DTNB: variants seen among roughly 807,000 people sequenced by gnomAD.
The protein encoded by DTNB is DTN-B.
DTNB carries 63 observed loss-of-function variants against 90.7 expected under a neutral mutation model. That is an observed-to-expected ratio of 0.69 (90% CI 0.57 to 0.86). The LOEUF (loss-of-function observed/expected upper bound fraction) is 0.86. Among genes scored for constraint, DTNB ranks in the 40% least tolerant of loss-of-function variants. The probability of loss-of-function intolerance (pLI) is 0.00; values close to 1 mark genes in which losing one functional copy is unlikely to be tolerated. For synonymous variants in DTNB, 277 were observed against 286.7 expected (o/e 0.97, Z 0.34); for missense variants, 744 against 807.1 (o/e 0.92, Z 0.95).
chr2:25,654,455 G>T (rs887643417), intron 1 of DTNB, among the ~76,000 whole-genome samples: 11 of 152,136 alleles, frequency 7.2e-5, no homozygotes, highest in Admixed American at 5.2e-4. Flanking sequence ...GAATCATCCA[G>T]TCCAAAACAG....
At chr2:25,450,504 T>G (rs1474297817) in intron 12 of DTNB, among the ~76,000 whole-genome samples, 1 of 152,224 alleles carries the variant, frequency 6.6e-6, no homozygotes, top group African/African-American at 2.4e-5. Context: ...TTTGTTTTTC[T>G]TTTTCAAGAC....
chr2:25,611,690 A>G (rs954704083), intron 4 of DTNB, among the ~76,000 whole-genome samples: 1 of 152,186 alleles, frequency 6.6e-6, no homozygotes, highest in African/African-American at 2.4e-5. Flanking sequence ...TAAAGTGATT[A>G]TATCTGGGAA....
intron 9 of DTNB, among the ~76,000 whole-genome samples, chr2:25,484,036 T>C (rs995933481): frequency 2.0e-5 from 3 of 152,320 alleles, no homozygotes; most frequent in African/African-American, 7.2e-5. Context: ...TACTTACACA[T>C]ACTTGGATGG....
intron 2 of DTNB, among the ~76,000 whole-genome samples, chr2:25,639,555 C>G (rs115133308): frequency 6.6e-6 from 1 of 150,508 alleles, no homozygotes; most frequent in Non-Finnish European, 1.5e-5. Context: ...GGGAACGGAC[C>G]GGTTGCCTGA....
chr2:25,450,634 A>C lies in DTNB; in HGVS notation c.1257+914T>G, dbSNP rs533143175. On this transcript the variant is annotated intron_variant, in intron 12 of 20. Coordinates refer to ENST00000406818, the MANE Select transcript of DTNB (RefSeq NM_021907.5). ...ATTAAATCTATAGATCAATTTAGGAAAATCTGCCATCCTAACAATATTAAA... is the reference window on the plus strand; with the variant it reads ...ATTAAATCTATAGATCAATTTAGGACAATCTGCCATCCTAACAATATTAAA... Among the ~76,000 whole-genome samples the C allele has an allele frequency of 5.3e-5, 8 of 152,340 alleles. No homozygotes were observed. In the South Asian group the frequency reaches 1.7e-3, roughly 32 times the overall value.
At chr2:25,625,553 T>G (rs983443570) in intron 4 of DTNB, among the ~76,000 whole-genome samples, 1 of 1,090 alleles carries the variant, frequency 9.2e-4, no homozygotes, top group African/African-American at 1.9e-3. Flanking sequence ...ACTCACTCAT[T>G]TTTTTTTTTT....
intron 2 of DTNB, among the ~76,000 whole-genome samples, chr2:25,647,956 G>A (rs924865857): frequency 9.2e-5 from 14 of 152,076 alleles, no homozygotes; most frequent in African/African-American, 3.4e-4. Flanking sequence ...TGCCTAAATA[G>A]GAAGAGGAAA....
At chr2:25,482,142 T>C (rs1354996534) in intron 10 of DTNB, among the ~76,000 whole-genome samples, 1 of 152,224 alleles carries the variant, frequency 6.6e-6, no homozygotes, top group Non-Finnish European at 1.5e-5. Flanking sequence ...TGCATTGCTC[T>C]GGGTCATGGA....
At chr2:25,603,701 A>G (rs1016486495) in intron 5 of DTNB, among the ~76,000 whole-genome samples, 1 of 152,226 alleles carries the variant, frequency 6.6e-6, no homozygotes, top group African/African-American at 2.4e-5. Flanking sequence ...CATTCCATAA[A>G]TGAGAAAACT....
intron 12 of DTNB, among the ~76,000 whole-genome samples, chr2:25,443,609 G>GC: frequency 6.6e-6 from 1 of 152,330 alleles, no homozygotes; most frequent in East Asian, 1.9e-4. Flanking sequence ...GGGGCAGCCT[G>GC]CCCATCACCT....
intron 8 of DTNB, among the ~76,000 whole-genome samples, chr2:25,550,202 T>C (rs948466938): frequency 5.3e-5 from 8 of 151,948 alleles, no homozygotes; most frequent in Non-Finnish European, 1.0e-4. Flanking sequence ...CCATCCTGGC[T>C]AACACGGTGA....
At chr2:25,531,448 C>T (rs754736358) in intron 9 of DTNB, 25 bp downstream of exon 9, 17 of 1,600,606 alleles carry the variant, frequency 1.1e-5, no homozygotes, top group Admixed American at 5.3e-5. Context: ...GTGTGATCCA[C>T]ATGCACATCC....
At position 25,537,756 on chromosome 2, in the gene DTNB, C is replaced by G. The variant is rs368147883; in HGVS notation, c.877-6159G>C. Among the ~76,000 whole-genome samples the G allele has an allele frequency of 2.0e-5, 3 of 152,280 alleles. No individual in the cohort carries two copies. In the East Asian group the frequency reaches 5.8e-4, roughly 29 times the overall value. On this transcript the variant is annotated intron_variant, in intron 8 of 20. Coordinates refer to ENST00000406818, the MANE Select transcript of DTNB (RefSeq NM_021907.5). The stretch of plus-strand genomic sequence containing the variant: ...TGACAGGGGCATTAGCTCTTCTGTC[C>G]AGTCAGCCCCTAGGACAAGGCCCCA...
chr2:25,543,976 G>A (rs1336075572), intron 8 of DTNB, among the ~76,000 whole-genome samples: 1 of 152,136 alleles, frequency 6.6e-6, no homozygotes, highest in Admixed American at 6.5e-5. Context: ...ATATAACCAG[G>A]TCTGTCACTC....
chr2:25,557,318 A>G (rs1386715601), intron 8 of DTNB, among the ~76,000 whole-genome samples: 1 of 152,172 alleles, frequency 6.6e-6, no homozygotes, highest in Non-Finnish European at 1.5e-5. Context: ...TGGAACTGAG[A>G]TGTCACTGAA....
At chr2:25,586,291 A>G (rs1184907890) in intron 6 of DTNB, among the ~76,000 whole-genome samples, 1 of 151,854 alleles carries the variant, frequency 6.6e-6, no homozygotes, top group Non-Finnish European at 1.5e-5. Context: ...CAGGCGGATC[A>G]CTTGAGGTCA....
intron 16 of DTNB, among the ~76,000 whole-genome samples, chr2:25,401,050 T>TC (rs1323007033): frequency 1.5e-4 from 23 of 152,266 alleles, no homozygotes; most frequent in African/African-American, 5.3e-4. Context: ...AGTCCAACAT[T>TC]CATTTTTCAT....
chr2:25,451,445 A>C, intron 12 of DTNB, 103 bp downstream of exon 12: 6 of 1,211,214 alleles, frequency 5.0e-6, no homozygotes, highest in Non-Finnish European at 6.8e-6. Context: ...AGTGTCCCCG[A>C]GGTACCTGTT....
At chr2:25,600,190 G>A (rs533585170) in intron 5 of DTNB, among the ~76,000 whole-genome samples, 1 of 152,366 alleles carries the variant, frequency 6.6e-6, no homozygotes, top group African/African-American at 2.4e-5. Context: ...GGAGGTGGCA[G>A]ACACTGCCAG....
Sources: gnomAD v4.1 joint callset for allele counts (sites outside exome capture counted in the v4.1 genomes callset) on GRCh38, gnomAD v4.1.1 for gene constraint, MANE v1.5 for transcripts, NCBI Gene and HGNC (gene_info 2026-07-23, HGNC 2026-07-21) for gene names.